Variants in KLHL1 observed in about 807,000 individuals in gnomAD.
The protein encoded by KLHL1 is kelch-like protein 1.
In KLHL1, 47 loss-of-function variants were observed where a neutral mutation model predicts 77.7. The ratio of observed to expected loss-of-function variants is 0.60; its 90% CI spans 0.48 to 0.77. The LOEUF (loss-of-function observed/expected upper bound fraction) is 0.77, where lower values mean the gene tolerates loss of function less well. Among genes scored for constraint, KLHL1 ranks in the 30% least tolerant of loss-of-function variants. The pLI is 0.00. For missense variants in KLHL1, 925 were observed against 910.8 expected (o/e 1.02, Z -0.20); for synonymous variants, 360 against 325.2 (o/e 1.11, Z -1.15).
intron 1 of KLHL1, among the ~76,000 whole-genome samples, chr13:70,066,729 T>TGTCAATG (rs1887014982): frequency 6.6e-6 from 1 of 152,204 alleles, no homozygotes; most frequent in Admixed American, 6.5e-5. Flanking sequence ...AAAGCTGGAA[T>TGTCAATG]TATAACGGGT....
At chr13:69,988,309 G>A (rs1268834252) in intron 1 of KLHL1, among the ~76,000 whole-genome samples, 1 of 151,944 alleles carries the variant, frequency 6.6e-6, no homozygotes, top group Non-Finnish European at 1.5e-5. Context: ...CTTTTTCATG[G>A]TTGCATACTA....
intron 7 of KLHL1, among the ~76,000 whole-genome samples, chr13:69,756,549 A>T (rs1874750485): frequency 6.6e-6 from 1 of 152,196 alleles, no homozygotes; most frequent in Non-Finnish European, 1.5e-5. Context: ...CACCAAAGTA[A>T]TAATCACTAA....
In KLHL1 at chr13:69,830,518, A is replaced by T. The variant is rs1426516663; in HGVS notation, c.1414+8458T>A. On this transcript the variant is annotated intron_variant, in intron 6 of 10. Coordinates refer to ENST00000377844, the MANE Select transcript of KLHL1 (RefSeq NM_020866.3). Reference sequence around the variant, plus strand: ...TAATAGTAGGGAACTTTAATACTCCACTGACAGCACTAGACCGTCATCAAG... The same window carrying T: ...TAATAGTAGGGAACTTTAATACTCCTCTGACAGCACTAGACCGTCATCAAG... 1.3e-5 allele frequency among the ~76,000 whole-genome samples: 2 copies of T among 150,230 alleles called. 1 individual carries two copies. Among genetic ancestry groups the T allele is most frequent in the Non-Finnish European group, 3.0e-5 (2 of 67,792 alleles).
At position 69,912,969 on chromosome 13, in the gene KLHL1, G is replaced by A. The variant is rs567279708; in HGVS notation, c.1014+27071C>T. ...ATTGTGAGCAACATGTGCTCCCAGT[G>A]TGGGGTCTCCTTTTGACCTCAAATG... On this transcript the variant is annotated intron_variant, in intron 4 of 10. Coordinates refer to ENST00000377844, the MANE Select transcript of KLHL1 (RefSeq NM_020866.3). Among the ~76,000 whole-genome samples the A allele has an allele frequency of 2.6e-5, 4 of 152,212 alleles. No homozygotes were observed. In the South Asian group the frequency reaches 6.2e-4, roughly 24 times the overall value.
At chr13:70,065,142 T>C (rs1338522460) in intron 1 of KLHL1, among the ~76,000 whole-genome samples, 1 of 152,190 alleles carries the variant, frequency 6.6e-6, no homozygotes, top group East Asian at 1.9e-4. Flanking sequence ...ACTTGAATAT[T>C]GGCCTAACCA....
intron 4 of KLHL1, among the ~76,000 whole-genome samples, chr13:69,905,328 T>A (rs1189000974): frequency 2.0e-5 from 3 of 152,088 alleles, no homozygotes. Context: ...TGAACTAATT[T>A]TTAAAAATTG....
chr13:69,787,192 T>G (rs1291778384), intron 7 of KLHL1, among the ~76,000 whole-genome samples: 6 of 152,202 alleles, frequency 3.9e-5, no homozygotes, highest in East Asian at 3.9e-4. Context: ...AAAAGAGCCC[T>G]CATTGCCAAG....
chr13:70,086,598 G>T (rs148820822), intron 1 of KLHL1, among the ~76,000 whole-genome samples: 1 of 35,978 alleles, frequency 2.8e-5, no homozygotes, highest in African/African-American at 9.3e-5. Context: ...AAAAAAGAAA[G>T]AAAGAAAGAA....
chr13:69,907,161 C>T (rs1030799837), intron 4 of KLHL1, among the ~76,000 whole-genome samples: 1 of 151,938 alleles, frequency 6.6e-6, no homozygotes, highest in East Asian at 1.9e-4. Context: ...TCATTGGTGG[C>T]TTATGTTTGT....
Position 69,796,911 on chromosome 13 carries a change from G to A in KLHL1, c.1466C>T (p.Ala489Val), listed in dbSNP as rs760896925. ...YDLRTNLWIQAGMMNGRRLQF... is the reference protein window; with the variant it reads ...YDLRTNLWIQVGMMNGRRLQF... ...CAGCCTTCTGCCATTCATCATCCCT[G>A]CCTGGATCCACAGATTTGTTCTCAG... is the stretch of plus-strand genomic sequence containing the variant. Residue 489 changes from alanine to valine, a missense_variant, in exon 7 of 11, where the codon GCA becomes GTA. Coordinates refer to ENST00000377844, the MANE Select transcript of KLHL1 (RefSeq NM_020866.3). 3.1e-6 allele frequency: 5 copies of A among 1,614,066 alleles called. No homozygotes were observed. The highest frequency in any genetic ancestry group is 4.2e-6 in the Non-Finnish European group (5 of 1,180,000).
At chr13:69,943,718 C>A (rs1436393291) in intron 3 of KLHL1, among the ~76,000 whole-genome samples, 2 of 152,034 alleles carry the variant, frequency 1.3e-5, no homozygotes, top group South Asian at 2.1e-4. Flanking sequence ...ACATTAAAAT[C>A]TGTTATTAAT....
chr13:69,989,288 T>G (rs1884960467), intron 1 of KLHL1, among the ~76,000 whole-genome samples: 1 of 151,908 alleles, frequency 6.6e-6, no homozygotes, highest in South Asian at 2.1e-4. Flanking sequence ...CTTTATTTCA[T>G]GGCTCTATTC....
chr13:69,888,933 A>G (rs533690349), intron 4 of KLHL1, among the ~76,000 whole-genome samples: 1 of 152,066 alleles, frequency 6.6e-6, no homozygotes, highest in South Asian at 2.1e-4. Flanking sequence ...AATTCCCTTA[A>G]GAAATACTAG....
chr13:70,031,507 A>G (rs1025509781), intron 1 of KLHL1, among the ~76,000 whole-genome samples: 6 of 152,148 alleles, frequency 3.9e-5, no homozygotes, highest in Non-Finnish European at 7.4e-5. Context: ...AGAGAAAAAT[A>G]TTTTTTCTTC....
intron 7 of KLHL1, among the ~76,000 whole-genome samples, chr13:69,779,226 C>A (rs80209375): frequency 3.9e-5 from 6 of 152,126 alleles, no homozygotes; most frequent in Non-Finnish European, 8.8e-5. Context: ...ACCTAACTTA[C>A]GAATTCAAAA....
intron 1 of KLHL1, among the ~76,000 whole-genome samples, chr13:70,106,722 G>T (rs1285717862): frequency 1.3e-5 from 2 of 152,092 alleles, no homozygotes; most frequent in Non-Finnish European, 2.9e-5. Flanking sequence ...CTGTCCAGTG[G>T]CCTCATTTTG....
chr13:69,704,260 T>C (rs1435219315), intron 10 of KLHL1, among the ~76,000 whole-genome samples: 1 of 151,710 alleles, frequency 6.6e-6, no homozygotes, highest in African/African-American at 2.4e-5. Context: ...TCCATCCAGT[T>C]GTTCAAGATA....
intron 10 of KLHL1, among the ~76,000 whole-genome samples, chr13:69,704,192 CA>C (rs145332486): frequency 0.11 from 16,757 of 151,138 alleles, 1,486 homozygotes; most frequent in African/African-American, 0.25. Context: ...TCTGTTTTTT[CA>C]AAAAACAAAA....
chr13:69,890,823 T>C (rs1593921966), intron 4 of KLHL1, among the ~76,000 whole-genome samples: 1 of 152,170 alleles, frequency 6.6e-6, no homozygotes, highest in African/African-American at 2.4e-5. Context: ...TTCTTATTGC[T>C]TTAGAAATGA....
Sources: gnomAD v4.1 joint callset for allele counts (sites outside exome capture counted in the v4.1 genomes callset) on GRCh38, gnomAD v4.1.1 for gene constraint, MANE v1.5 for transcripts, NCBI Gene and HGNC (gene_info 2026-07-23, HGNC 2026-07-21) for gene names.